FBXO11: variants seen among roughly 807,000 people sequenced by gnomAD.
The protein encoded by FBXO11 is F-box protein 11, also known as F-box only protein 11.
A neutral mutation model predicts 117.0 loss-of-function variants in FBXO11; 13 were observed. The ratio of observed to expected loss-of-function variants is 0.11; its 90% CI spans 0.07 to 0.18. The LOEUF is 0.18. Among genes scored for constraint, FBXO11 ranks in the 10% least tolerant of loss-of-function variants. The probability of loss-of-function intolerance (pLI) is 1.00; values close to 1 mark genes in which losing one functional copy is unlikely to be tolerated. For missense variants in FBXO11, 767 were observed against 1,164.4 expected (o/e 0.66, Z 4.97); for synonymous variants, 490 against 380.5 (o/e 1.29, Z -3.35).
At chr2:47,878,517 G>A (rs184204326) in intron 1 of FBXO11, among the ~76,000 whole-genome samples, 9 of 151,708 alleles carry the variant, frequency 5.9e-5, no homozygotes, top group South Asian at 2.1e-4. Context: ...CCACTATGCC[G>A]GGCTAATTTT....
chr2:47,809,578 G>C, intron 20 of FBXO11, 22 bp downstream of exon 20: 2 of 1,507,906 alleles, frequency 1.3e-6, no homozygotes, highest in South Asian at 1.1e-5. Context: ...TATATTTATA[G>C]GTATAGCAGA....
intron 1 of FBXO11, among the ~76,000 whole-genome samples, chr2:47,901,039 G>A (rs1326284612): frequency 7.3e-6 from 1 of 137,316 alleles, no homozygotes; most frequent in Non-Finnish European, 1.6e-5. Flanking sequence ...ATACACACGT[G>A]TGTACATATA....
intron 1 of FBXO11, among the ~76,000 whole-genome samples, chr2:47,854,348 T>C: frequency 6.6e-6 from 1 of 151,974 alleles, no homozygotes; most frequent in East Asian, 1.9e-4. Flanking sequence ...CTACTTAATG[T>C]TTACTGTTCA....
chr2:47,807,005 C>A lies in FBXO11; in HGVS notation c.*1113G>T, dbSNP rs1302426052. ...ATTAAACCCTTTTAATTCTTATCTACCTTCTACATAATGGTTATTGAATAC... is the reference window on the plus strand; with the variant it reads ...ATTAAACCCTTTTAATTCTTATCTAACTTCTACATAATGGTTATTGAATAC... On this transcript the variant is annotated 3_prime_UTR_variant, in exon 23 of 23. Coordinates refer to ENST00000403359, the MANE Select transcript of FBXO11 (RefSeq NM_001190274.2). 1.5e-6 allele frequency: 1 copy of A among 688,444 alleles called. No homozygotes were observed. The highest frequency in any genetic ancestry group is 1.6e-5 in the South Asian group (1 of 60,742). 42.6% of individuals were successfully genotyped at this position (688,444 alleles called of 1,614,324 possible).
At chr2:47,822,411 C>T (rs1261880751) in intron 12 of FBXO11, 108 bp from the exon 13 acceptor site, 9 of 642,904 alleles carry the variant, frequency 1.4e-5, no homozygotes, top group Non-Finnish European at 2.4e-5. Flanking sequence ...ACATAAACTT[C>T]TAAGGCCTCA....
chr2:47,823,098 C>G (rs969344236), intron 12 of FBXO11, 45 bp downstream of exon 12: 15 of 1,418,440 alleles, frequency 1.1e-5, no homozygotes, highest in Non-Finnish European at 1.4e-5. Context: ...TTAAGCAAAC[C>G]TTGAAGTGAA....
At position 47,901,096 on chromosome 2, in the gene FBXO11, C is replaced by CAT. The variant is rs1416788279; in HGVS notation, c.232+4391_232+4392dup. Among the ~76,000 whole-genome samples, 620 of 101,118 alleles carry CAT rather than the reference C, an allele frequency of 6.1e-3. 9 individuals are homozygous for CAT. Among genetic ancestry groups the CAT allele is most frequent in the African/African-American group, 0.022 (579 of 26,788 alleles). 66.3% of individuals were successfully genotyped at this position (101,118 alleles called of 152,430 possible). A position where few individuals can be genotyped will look rare whatever the true frequency, so the allele number is the denominator to read the frequency against. ...ATACACACGTGTGTACATATATATA[C>CAT]ATATATATGTATATATGTACACACG... On this transcript the variant is annotated intron_variant, in intron 1 of 22. Transcript: ENST00000403359.
At chr2:47,823,671 T>C (rs1440251577) in intron 11 of FBXO11, among the ~76,000 whole-genome samples, 1 of 152,008 alleles carries the variant, frequency 6.6e-6, no homozygotes, top group Non-Finnish European at 1.5e-5. Context: ...GAGAACTGCT[T>C]GAACCCGGGA....
In FBXO11 at chr2:47,876,759, A is replaced by G. The variant is rs114604722; in HGVS notation, c.232+28730T>C. Among the ~76,000 whole-genome samples, 973 of 152,292 alleles carry G rather than the reference A, an allele frequency of 6.4e-3. 9 individuals are homozygous for G. Among genetic ancestry groups the G allele is most frequent in the African/African-American group, 0.021 (884 of 41,554 alleles). ...GTAAGCAACTGTTCAGCAGTGCGCT[A>G]TTTCAATATGAAAACTCAGTTCAAT... On this transcript the variant is annotated intron_variant, in intron 1 of 22. Transcript: ENST00000403359.
intron 1 of FBXO11, among the ~76,000 whole-genome samples, chr2:47,861,029 T>C (rs1156882363): frequency 2.0e-5 from 3 of 151,758 alleles, no homozygotes; most frequent in Admixed American, 6.6e-5. Context: ...TTTGTATTTT[T>C]AGTAGAGATG....
chr2:47,835,478 A>G (rs1184850494), intron 5 of FBXO11, among the ~76,000 whole-genome samples: 1 of 152,110 alleles, frequency 6.6e-6, no homozygotes, highest in Non-Finnish European at 1.5e-5. Flanking sequence ...TGGTTGATAA[A>G]TGTTCATTAA....
chr2:47,868,956 C>A (rs1298704578), intron 1 of FBXO11, among the ~76,000 whole-genome samples: 1 of 152,190 alleles, frequency 6.6e-6, no homozygotes, highest in East Asian at 1.9e-4. Flanking sequence ...TGGTCTTACC[C>A]CGTTCCCAGC....
chr2:47,885,837 A>G (rs1572904668), intron 1 of FBXO11, among the ~76,000 whole-genome samples: 1 of 152,246 alleles, frequency 6.6e-6, no homozygotes, highest in East Asian at 1.9e-4. Flanking sequence ...ATTCTCTCTC[A>G]CTAAGAATAT....
rs372931175 is a variant in FBXO11, at chr2:47,832,628, G to A, written c.1204C>T (p.His402Tyr). 5 of 1,613,954 alleles carry A rather than the reference G, an allele frequency of 3.1e-6. No individual in the cohort carries two copies. Among genetic ancestry groups the A allele is most frequent in the African/African-American group, 2.7e-5 (2 of 75,050 alleles). ...TTTTCACAGTCACTGATGTTACAGT[G>A]CTTGATGGTGGGACATGCTCCTTGA... ...SGQGACPTIK[H>Y]CNISDCENVG... Residue 402 changes from histidine to tyrosine, a missense_variant, in exon 10 of 23, where the codon CAC becomes TAC. Physicochemically the swap from His to Tyr is moderately conservative, Grantham distance 83 (BLOSUM62 2). This residue lies in a region of FBXO11 where 123 missense variants were observed against 145.0 expected (regional missense o/e 0.85). Transcript: ENST00000403359.
chr2:47,886,236 G>A (rs1039293011), intron 1 of FBXO11, among the ~76,000 whole-genome samples: 9 of 152,042 alleles, frequency 5.9e-5, no homozygotes, highest in South Asian at 2.1e-4. Flanking sequence ...CGCCAGGCAC[G>A]GTGCCTCACG....
intron 1 of FBXO11, among the ~76,000 whole-genome samples, chr2:47,882,061 TTA>T (rs1676469516): frequency 6.6e-6 from 1 of 152,110 alleles, no homozygotes. Context: ...ATTTTAGTCT[TTA>T]TGTCTATATA....
At chr2:47,875,358 A>G (rs1346089644) in intron 1 of FBXO11, among the ~76,000 whole-genome samples, 1 of 152,146 alleles carries the variant, frequency 6.6e-6, no homozygotes, top group African/African-American at 2.4e-5. Flanking sequence ...TTTATCTTCT[A>G]ATTCGTATGT....
At chr2:47,814,931 A>G (rs2104672979) in intron 16 of FBXO11, among the ~76,000 whole-genome samples, 1 of 152,292 alleles carries the variant, frequency 6.6e-6, no homozygotes, top group African/African-American at 2.4e-5. Context: ...CCACCTCAAG[A>G]AAAACCACTC....
Position 47,900,626 on chromosome 2 carries a change from A to ACG in FBXO11, c.232+4862_232+4863insCG, listed in dbSNP as rs1361513390. ...CGTATACACACGTATATACACACGT[A>ACG]TACACACACGTACGTATATACACAC... is the stretch of plus-strand genomic sequence containing the variant. On this transcript the variant is annotated intron_variant, in intron 1 of 22. Coordinates refer to ENST00000403359, the MANE Select transcript of FBXO11 (RefSeq NM_001190274.2). 4.9e-4 allele frequency among the ~76,000 whole-genome samples: 18 copies of ACG among 36,698 alleles called. 2 individuals are homozygous for ACG. In the East Asian group the frequency reaches 0.011, roughly 23 times the overall value. The allele number at this position is 36,698 out of a possible 152,430, so 24.1% of individuals were successfully genotyped here.
Sources: gnomAD v4.1 joint callset for allele counts (sites outside exome capture counted in the v4.1 genomes callset) on GRCh38, gnomAD v4.1.1 for gene constraint, gnomAD v4.1.1 regional missense constraint, MANE v1.5 for transcripts, NCBI Gene and HGNC (gene_info 2026-07-23, HGNC 2026-07-21) for gene names.